Variants in PDE1A observed in about 807,000 individuals in gnomAD.
PDE1A encodes dual specificity calcium/calmodulin-dependent 3',5'-cyclic nucleotide phosphodiesterase 1A.
A neutral mutation model predicts 61.7 loss-of-function variants in PDE1A; 35 were observed. That is an observed-to-expected ratio of 0.57 (90% confidence interval 0.43 to 0.75). PDE1A has a LOEUF of 0.75. Ranked by LOEUF, PDE1A falls within the 30% of genes least tolerant of loss-of-function variation. The pLI, the probability that PDE1A is intolerant of heterozygous loss-of-function variation, is 0.00. For missense variants in PDE1A, 597 were observed against 630.6 expected (o/e 0.95, Z 0.57); for synonymous variants, 232 against 213.2 (o/e 1.09, Z -0.77).
chr2:182,558,455 C>T, the PDE1A span, among the ~76,000 whole-genome samples: 2 of 151,996 alleles, frequency 1.3e-5, no homozygotes, highest in South Asian at 4.1e-4. Context: ...TAAAATAAAA[C>T]AAAATTAAAG....
the PDE1A span, among the ~76,000 whole-genome samples, chr2:182,673,391 T>C: frequency 1.3e-5 from 2 of 152,202 alleles, no homozygotes; most frequent in Admixed American, 6.5e-5. Context: ...TTTCTGCACC[T>C]CTTACGAAGC....
chr2:182,401,706 T>C (rs902036751), intron 1 of PDE1A, among the ~76,000 whole-genome samples: 2 of 152,196 alleles, frequency 1.3e-5, no homozygotes, highest in African/African-American at 4.8e-5. Flanking sequence ...AAATAAAGGG[T>C]ATTCAAATAG....
chr2:182,159,977 G>T (rs1260458300), intron 13 of PDE1A, among the ~76,000 whole-genome samples: 1 of 151,868 alleles, frequency 6.6e-6, no homozygotes, highest in Non-Finnish European at 1.5e-5. Context: ...AATTATTGTA[G>T]AAAATGCCAA....
chr2:182,260,932 C>T (rs980189444), intron 2 of PDE1A, among the ~76,000 whole-genome samples: 10 of 152,156 alleles, frequency 6.6e-5, no homozygotes, highest in African/African-American at 9.7e-5. Flanking sequence ...TCCCTGTCTT[C>T]CCTTTGGTAA....
Position 182,264,368 on chromosome 2 carries a change from C to T in PDE1A, c.100G>A (p.Val34Ile), listed in dbSNP as rs747041009. The stretch of plus-strand genomic sequence containing the variant: ...TATTCAATATTCTTCTTTAAGTCGA[C>T]GACGTTAACATCACCTCTTTCCAGC... Residue 34 changes from valine (V) to isoleucine (I), a missense_variant, in exon 2 of 14, where the codon GTC (valine) becomes ATC (isoleucine). Transcript: ENST00000351439. 8.1e-6 allele frequency: 13 copies of T among 1,613,510 alleles called. No homozygotes were observed. In the East Asian group the frequency reaches 1.3e-4, roughly 17 times the overall value.
At chr2:182,576,909 T>A in the PDE1A span, among the ~76,000 whole-genome samples, 3 of 152,264 alleles carry the variant, frequency 2.0e-5, no homozygotes, top group Non-Finnish European at 4.4e-5. Flanking sequence ...TCTCTTCAAG[T>A]TTTTGCCCAT....
chr2:182,284,180 T>C (rs1182630127), intron 1 of PDE1A, among the ~76,000 whole-genome samples: 1 of 152,154 alleles, frequency 6.6e-6, no homozygotes, highest in East Asian at 1.9e-4. Flanking sequence ...GCATTGTCCA[T>C]GATTTTAAAT....
intron 1 of PDE1A, among the ~76,000 whole-genome samples, chr2:182,407,220 G>A (rs1702348084): frequency 6.6e-6 from 1 of 152,020 alleles, no homozygotes; most frequent in African/African-American, 2.4e-5. Context: ...GCTTTCAAAT[G>A]TCTCTGTCAT....
At chr2:182,608,542 C>T in the PDE1A span, among the ~76,000 whole-genome samples, 6 of 152,278 alleles carry the variant, frequency 3.9e-5, no homozygotes, top group South Asian at 1.2e-3. Flanking sequence ...CTCGGCGGCC[C>T]GGCACTCGGA....
At chr2:182,201,513 T>G (rs1244701096) in exon 10 of PDE1A, 3 of 1,614,134 alleles carry the variant, frequency 1.9e-6, no homozygotes, top group South Asian at 2.2e-5. Flanking sequence ...GGGTGGCTGA[T>G]GTCTGCTGCG....
At chr2:182,591,854 T>C in the PDE1A span, among the ~76,000 whole-genome samples, 35 of 152,232 alleles carry the variant, frequency 2.3e-4, no homozygotes, top group Non-Finnish European at 4.3e-4. Context: ...AATTCATACA[T>C]CTTGAGCATT....
chr2:182,162,392 T>C (rs902971229), intron 13 of PDE1A, among the ~76,000 whole-genome samples: 1 of 152,090 alleles, frequency 6.6e-6, no homozygotes, highest in Admixed American at 6.6e-5. Flanking sequence ...AGAAGTAAAA[T>C]AGATGGGAAG....
chr2:182,313,823 C>G (rs888482071), intron 1 of PDE1A, among the ~76,000 whole-genome samples: 3 of 152,040 alleles, frequency 2.0e-5, no homozygotes, highest in Non-Finnish European at 4.4e-5. Flanking sequence ...CTTGAGTAAT[C>G]ATCAGTTATG....
At chr2:182,513,595 G>A (rs78249635) in intron 2 of PDE1A, among the ~76,000 whole-genome samples, 1 of 152,102 alleles carries the variant, frequency 6.6e-6, no homozygotes, top group South Asian at 2.1e-4. Flanking sequence ...TTCACATATC[G>A]ATGTTAACCT....
At chr2:182,589,905 T>TA in the PDE1A span, among the ~76,000 whole-genome samples, 1 of 152,236 alleles carries the variant, frequency 6.6e-6, no homozygotes, top group Non-Finnish European at 1.5e-5. Context: ...ACTAGTATAA[T>TA]AATCAGCCAG....
At chr2:182,166,429 C>T (rs1279833865), downstream of PDE1A, among the ~76,000 whole-genome samples, 1 of 152,166 alleles carries the variant, frequency 6.6e-6, no homozygotes, top group Non-Finnish European at 1.5e-5. Flanking sequence ...TATCCTCCTT[C>T]CCTTGGACAT....
chr2:182,489,335 G>A (rs917682824), intron 2 of PDE1A, among the ~76,000 whole-genome samples: 2 of 152,162 alleles, frequency 1.3e-5, no homozygotes, highest in Non-Finnish European at 2.9e-5. Flanking sequence ...CAAAGAATAA[G>A]GATGTTTGAT....
intron 2 of PDE1A, among the ~76,000 whole-genome samples, chr2:182,476,296 G>A (rs1210198487): frequency 6.6e-6 from 1 of 151,796 alleles, no homozygotes; most frequent in Non-Finnish European, 1.5e-5. Flanking sequence ...TTCAACACCA[G>A]CCTATTCAAT....
At chr2:182,702,842 CT>C in the PDE1A span, among the ~76,000 whole-genome samples, 1 of 152,086 alleles carries the variant, frequency 6.6e-6, no homozygotes, top group African/African-American at 2.4e-5. Context: ...AAATTCAAGT[CT>C]TTTTTGTTAG....
Sources: allele counts gnomAD v4.1 joint callset (sites outside exome capture counted in the v4.1 genomes callset), GRCh38; gene constraint gnomAD v4.1.1; transcripts MANE v1.5; gene names NCBI Gene and HGNC (gene_info 2026-07-23, HGNC 2026-07-21).